Variants in VSTM4 observed in about 807,000 individuals in gnomAD.
VSTM4 encodes V-set and transmembrane domain containing 4, also known as V-set and transmembrane domain-containing protein 4.
Under a neutral mutation model 36.4 loss-of-function variants are expected in VSTM4, and 20 were observed. The observed-to-expected ratio is 0.55, with a 90% confidence interval of 0.39 to 0.80. The LOEUF (loss-of-function observed/expected upper bound fraction) is 0.80, where lower values mean the gene tolerates loss of function less well. VSTM4 is among the 30% of genes least tolerant of loss of function. The probability of loss-of-function intolerance (pLI) is 0.00; values close to 1 mark genes in which losing one functional copy is unlikely to be tolerated. For synonymous variants in VSTM4, 182 were observed against 173.9 expected, an observed-to-expected ratio of 1.05 and a Z score of -0.37; for missense variants, 392 against 404.5, an observed-to-expected ratio of 0.97 and a Z score of 0.26.
intron 2 of VSTM4, chr10:49,102,619 G>A: frequency 1.0e-6 from 1 of 985,228 alleles, no homozygotes; most frequent in Non-Finnish European, 1.2e-6. Flanking sequence ...AAAGCTGGAT[G>A]TGGAGCCCCA....
chr10:49,081,808 ACT>A (rs1207935552), intron 3 of VSTM4, among the ~76,000 whole-genome samples: 1 of 152,002 alleles, frequency 6.6e-6, no homozygotes, highest in Admixed American at 6.5e-5. Flanking sequence ...GGTCATGGCC[ACT>A]CTCTGTTTTG....
intron 2 of VSTM4, among the ~76,000 whole-genome samples, chr10:49,105,329 CGGGGGGGGG>C: frequency 8.1e-6 from 1 of 122,768 alleles, no homozygotes; most frequent in South Asian, 2.9e-4. Flanking sequence ...GAGAGAGAGA[CGGGGGGGGG>C]AGAGACAGAG....
At chr10:49,068,545 C>T (rs4838444) in intron 4 of VSTM4, among the ~76,000 whole-genome samples, 1 of 152,186 alleles carries the variant, frequency 6.6e-6, no homozygotes, top group Non-Finnish European at 1.5e-5. Flanking sequence ...TTAAGAGGGA[C>T]TGCCCACAGG....
intron 7 of VSTM4, among the ~76,000 whole-genome samples, chr10:49,036,815 G>A (rs1843438356): frequency 6.6e-6 from 1 of 152,246 alleles, no homozygotes; most frequent in South Asian, 2.1e-4. Context: ...CCACACTATG[G>A]TTTTCAACAG....
At chr10:49,068,780 C>G (rs35462783) in intron 4 of VSTM4, among the ~76,000 whole-genome samples, 56,790 of 151,926 alleles carry the variant, frequency 0.37, 11,832 homozygotes, top group African/African-American at 0.56. Context: ...TGGAAAGTGC[C>G]GGAGACCAAG....
chr10:49,114,066 G>A lies in VSTM4; in HGVS notation c.55+1365C>T, dbSNP rs1844945523. On this transcript the variant is annotated intron_variant, in intron 1 of 7. Coordinates refer to ENST00000332853, the MANE Select transcript of VSTM4 (RefSeq NM_001031746.5). ...GGAGCCTGGGAGAGGAAGGACCACTGGCTGCTGGCTACTCCACAGAGACCA... is the reference window on the plus strand; with the variant it reads ...GGAGCCTGGGAGAGGAAGGACCACTAGCTGCTGGCTACTCCACAGAGACCA... Among the ~76,000 whole-genome samples the A allele has an allele frequency of 2.6e-5, 4 of 152,300 alleles. No individual in the cohort carries two copies. In the South Asian group the frequency reaches 8.3e-4, roughly 32 times the overall value.
intron 4 of VSTM4, among the ~76,000 whole-genome samples, chr10:49,068,432 T>G (rs371680254): frequency 1.4e-4 from 21 of 152,140 alleles, no homozygotes; most frequent in Admixed American, 1.4e-3. Context: ...AGGAGCCCGA[T>G]GAGGCCAGAC....
intron 2 of VSTM4, among the ~76,000 whole-genome samples, chr10:49,096,241 T>C (rs1844567704): frequency 6.6e-6 from 1 of 152,210 alleles, no homozygotes; most frequent in South Asian, 2.1e-4. Flanking sequence ...TAACTTCAGA[T>C]CTAATCATTA....
intron 5 of VSTM4, among the ~76,000 whole-genome samples, chr10:49,050,025 A>G (rs565810073): frequency 1.3e-5 from 2 of 151,120 alleles, no homozygotes; most frequent in South Asian, 4.2e-4. Context: ...ACTGTTTATA[A>G]TAGCTATGGA....
intron 3 of VSTM4, among the ~76,000 whole-genome samples, chr10:49,084,486 A>G (rs575678703): frequency 6.6e-6 from 1 of 152,342 alleles, no homozygotes; most frequent in East Asian, 1.9e-4. Context: ...AATGTGTTTC[A>G]GTCTACTGCT....
At chr10:49,046,916 CT>C in intron 7 of VSTM4, 66 bp downstream of exon 7, 1 of 1,481,682 alleles carries the variant, frequency 6.7e-7, no homozygotes. Context: ...AATAAAGGCA[CT>C]GTTTTGGAAT....
chr10:49,023,870 C>T (rs1400181901), intron 7 of VSTM4, among the ~76,000 whole-genome samples: 1 of 152,144 alleles, frequency 6.6e-6, no homozygotes, highest in Non-Finnish European at 1.5e-5. Context: ...TGTCTATTCA[C>T]AAACACTCTT....
Position 49,026,217 on chromosome 10 carries a change from A to G in VSTM4, c.838-6442T>C, listed in dbSNP as rs1217322907. 2.6e-5 allele frequency among the ~76,000 whole-genome samples: 4 copies of G among 152,194 alleles called. No homozygotes were observed. In the South Asian group the frequency reaches 6.2e-4, roughly 24 times the overall value. The stretch of plus-strand genomic sequence containing the variant: ...GTAGAGAAAACAGACCGAGGAGCCT[A>G]GTGTCTGCCGCCTCAATGAACCACT... On this transcript the variant is annotated intron_variant, in intron 7 of 7. Coordinates refer to ENST00000332853, the MANE Select transcript of VSTM4 (RefSeq NM_001031746.5).
intron 5 of VSTM4, among the ~76,000 whole-genome samples, chr10:49,058,039 G>T (rs945637262): frequency 2.0e-5 from 3 of 152,128 alleles, no homozygotes; most frequent in African/African-American, 7.2e-5. Flanking sequence ...GCAAATAGAT[G>T]CCTCTAATGA....
chr10:49,072,820 T>C (rs1045212324), intron 4 of VSTM4, among the ~76,000 whole-genome samples: 10 of 152,164 alleles, frequency 6.6e-5, no homozygotes, highest in Non-Finnish European at 1.5e-4. Context: ...CCTGGTCAAC[T>C]TCAGGTGGCT....
intron 5 of VSTM4, among the ~76,000 whole-genome samples, chr10:49,058,022 T>G (rs900065953): frequency 6.6e-6 from 1 of 152,186 alleles, no homozygotes; most frequent in Admixed American, 6.5e-5. Context: ...TGGTGAGGTT[T>G]GCTTTTGCAA....
intron 7 of VSTM4, among the ~76,000 whole-genome samples, chr10:49,027,901 A>G (rs1306947820): frequency 3.0e-4 from 45 of 152,188 alleles, no homozygotes; most frequent in Admixed American, 2.9e-3. Flanking sequence ...ACGTTCAAAT[A>G]TAGGTTTTTG....
At chr10:49,088,383 AAGATACATC>A (rs1334103078) in intron 2 of VSTM4, among the ~76,000 whole-genome samples, 2 of 152,248 alleles carry the variant, frequency 1.3e-5, no homozygotes, top group Non-Finnish European at 2.9e-5. Context: ...CATGTGATCT[AAGATACATC>A]AGACAATTTG....
intron 2 of VSTM4, among the ~76,000 whole-genome samples, chr10:49,100,612 TACA>T (rs1316709706): frequency 6.6e-6 from 1 of 151,502 alleles, no homozygotes. Flanking sequence ...CATGAAGGAA[TACA>T]ACAAGTTCCT....
Sources: allele counts gnomAD v4.1 joint callset (sites outside exome capture counted in the v4.1 genomes callset), GRCh38; gene constraint gnomAD v4.1.1; transcripts MANE v1.5; gene names NCBI Gene and HGNC (gene_info 2026-07-23, HGNC 2026-07-21).